The following IL2RA variants were observed in gnomAD, a reference collection of about 807,000 sequenced individuals.
The protein encoded by IL2RA is interleukin-2 receptor subunit alpha.
IL2RA carries 24 observed loss-of-function variants against 37.8 expected under a neutral mutation model. The observed-to-expected ratio is 0.63, with a 90% CI of 0.46 to 0.89. The LOEUF (loss-of-function observed/expected upper bound fraction) is 0.89. IL2RA is among the 40% of genes least tolerant of loss of function. The pLI is 0.00. For synonymous variants in IL2RA, 125 were observed against 114.6 expected (o/e 1.09, Z -0.58); for missense variants, 319 against 348.6 (o/e 0.92, Z 0.68).
chr10:6,019,658 C>G (rs943361551), intron 5 of IL2RA, among the ~76,000 whole-genome samples, 159 bp from the exon 6 acceptor site: 1 of 152,172 alleles, frequency 6.6e-6, no homozygotes, highest in African/African-American at 2.4e-5. Context: ...GCCTGGGGAC[C>G]GTGCTTGGTC....
intron 7 of IL2RA, among the ~76,000 whole-genome samples, chr10:6,013,354 T>C (rs993495131): frequency 1.3e-5 from 2 of 152,256 alleles, no homozygotes; most frequent in African/African-American, 4.8e-5. Flanking sequence ...ACTGAATTTT[T>C]AATTGTATTT....
rs370365362 is a variant in IL2RA, at chr10:6,019,219, C to A, written c.727+209G>T. On this transcript the variant is annotated intron_variant, in intron 6 of 7. Coordinates refer to ENST00000379959, the MANE Select transcript of IL2RA (RefSeq NM_000417.3). ...ACTAACCTACCAACATACAAACCAA[C>A]CTGCCAACCAAGCAACCAACCAACT... Among the ~76,000 whole-genome samples, 26 of 152,296 alleles carry A rather than the reference C, an allele frequency of 1.7e-4. 2 individuals carry two copies. In the East Asian group the frequency reaches 4.1e-3, roughly 24 times the overall value.
rs918620928 is a variant in IL2RA at position 6,028,371 on chromosome 10, G to A, written c.65-2346C>T. On this transcript the variant is annotated intron_variant, in intron 1 of 7. Coordinates refer to ENST00000379959, the MANE Select transcript of IL2RA (RefSeq NM_000417.3). The surrounding 1 kb of genome is among the most constrained non-coding windows in gnomAD (Gnocchi z 4.1). ...TGAGGGCTGAGAGAAGAAGAGTTATGCTAAGTTTTATTTATAAAAACAGGT... is the reference window on the plus strand; with the variant it reads ...TGAGGGCTGAGAGAAGAAGAGTTATACTAAGTTTTATTTATAAAAACAGGT... Among the ~76,000 whole-genome samples, 2 of 152,176 alleles carry A rather than the reference G, an allele frequency of 1.3e-5. No individual in the cohort carries two copies. Among genetic ancestry groups the A allele is most frequent in the Non-Finnish European group, 2.9e-5 (2 of 68,034 alleles).
rs1423657778 is a variant in IL2RA, at chr10:6,044,356, C to T, written c.64+17732G>A. Among the ~76,000 whole-genome samples the T allele has an allele frequency of 6.6e-6, 1 of 152,232 alleles. No homozygotes were observed. Among genetic ancestry groups the T allele is most frequent in the African/African-American group, 2.4e-5 (1 of 41,460 alleles). Reference sequence around the variant, plus strand: ...GACTGCTTCTGTAGAGCAGGGCGACCACATAGGCAGAGAGTAGTAGGTCAG... The same window carrying T: ...GACTGCTTCTGTAGAGCAGGGCGACTACATAGGCAGAGAGTAGTAGGTCAG... On this transcript the variant is annotated intron_variant, in intron 1 of 7. Coordinates refer to ENST00000379959, the MANE Select transcript of IL2RA (RefSeq NM_000417.3). This position sits in a 1 kb window ranked among gnomAD's most constrained non-coding sequence, Gnocchi z 4.5.
chr10:6,051,840 T>TATATATATATATATATATAG (rs1554831689), intron 1 of IL2RA, among the ~76,000 whole-genome samples: 3 of 124,488 alleles, frequency 2.4e-5, no homozygotes, highest in Middle Eastern at 3.8e-3. Flanking sequence ...TATATATATA[T>TATATATATATATATATATAG]ATAGAATTTT....
At chr10:6,049,788 C>G (rs908327627) in intron 1 of IL2RA, among the ~76,000 whole-genome samples, 1 of 152,236 alleles carries the variant, frequency 6.6e-6, no homozygotes, top group African/African-American at 2.4e-5. Flanking sequence ...CAAGTTCAAG[C>G]TAGGATTTGA....
Position 6,035,185 on chromosome 10 carries a change from G to A in IL2RA, c.65-9160C>T, listed in dbSNP as rs891103567. ...GCACCTACTCCCACCAGGCAACTGA[G>A]TGGTATTTAGTCTGCAAGACTAGCC... On this transcript the variant is annotated intron_variant, in intron 1 of 7. Coordinates refer to ENST00000379959, the MANE Select transcript of IL2RA (RefSeq NM_000417.3). This position sits in a 1 kb window ranked among gnomAD's most constrained non-coding sequence, Gnocchi z 5.4. 6.6e-6 allele frequency among the ~76,000 whole-genome samples: 1 copy of A among 152,210 alleles called. No homozygotes were observed. Among genetic ancestry groups the A allele is most frequent in the African/African-American group, 2.4e-5 (1 of 41,460 alleles).
At chr10:6,030,338 A>G (rs1294412574) in intron 1 of IL2RA, among the ~76,000 whole-genome samples, 1 of 152,244 alleles carries the variant, frequency 6.6e-6, no homozygotes, top group African/African-American at 2.4e-5. Flanking sequence ...GCCCATCTAT[A>G]TACATCGTAG....
intron 1 of IL2RA, among the ~76,000 whole-genome samples, chr10:6,038,727 C>T (rs184785434): frequency 2.0e-5 from 3 of 152,202 alleles, no homozygotes; most frequent in South Asian, 2.1e-4. Flanking sequence ...TTTGTGGAGG[C>T]AATTTGTTCT....
rs78184073 is a variant in IL2RA, at chr10:6,054,663, T to C, written c.64+7425A>G. ...GTCCATGTACACGACTCCAGCAGCA[T>C]CACTAGAAAACACCATTCTCCAGCC... On this transcript the variant is annotated intron_variant, in intron 1 of 7. Transcript: ENST00000379959. The surrounding 1 kb of genome is among the most constrained non-coding windows in gnomAD (Gnocchi z 4.5). Among the ~76,000 whole-genome samples, 497 of 152,204 alleles carry C rather than the reference T, an allele frequency of 3.3e-3. 1 individual carries two copies. The highest frequency in any genetic ancestry group is 5.0e-3 in the Non-Finnish European group (338 of 67,994).
rs1840079275 is a variant in IL2RA at position 6,058,368 on chromosome 10, G to A, written c.64+3720C>T. 6.6e-6 allele frequency among the ~76,000 whole-genome samples: 1 copy of A among 152,170 alleles called. No homozygotes were observed. Among genetic ancestry groups the A allele is most frequent in the Non-Finnish European group, 1.5e-5 (1 of 68,032 alleles). ...TTCTCACATCTAAAATGAAGTATAT[G>A]CACAGGTGATTTATCAAACTGCCTA... On this transcript the variant is annotated intron_variant, in intron 1 of 7. Transcript: ENST00000379959. This position sits in a 1 kb window ranked among gnomAD's most constrained non-coding sequence, Gnocchi z 4.2.
At position 6,035,260 on chromosome 10, in the gene IL2RA, G is replaced by A. The variant is rs961635744; in HGVS notation, c.65-9235C>T. ...AGAGCCAGGGGTTCCTTGGGCCCCC[G>A]CTAGGGGACTTTCTGTTTGCCCTGG... On this transcript the variant is annotated intron_variant, in intron 1 of 7. Coordinates refer to ENST00000379959, the MANE Select transcript of IL2RA (RefSeq NM_000417.3). The surrounding 1 kb of genome is among the most constrained non-coding windows in gnomAD (Gnocchi z 5.4). Among the ~76,000 whole-genome samples the A allele has an allele frequency of 3.3e-5, 5 of 152,206 alleles. No homozygotes were observed. Among genetic ancestry groups the A allele is most frequent in the African/African-American group, 7.2e-5 (3 of 41,460 alleles).
At chr10:6,043,520 C>T (rs1028211158) in intron 1 of IL2RA, among the ~76,000 whole-genome samples, 1 of 152,098 alleles carries the variant, frequency 6.6e-6, no homozygotes, top group Non-Finnish European at 1.5e-5. Context: ...CTCACTGCAA[C>T]CTCTGCCTCC....
chr10:6,033,430 G>A lies in IL2RA; in HGVS notation c.65-7405C>T, dbSNP rs12259475. 3.4e-3 allele frequency among the ~76,000 whole-genome samples: 519 copies of A among 152,270 alleles called. 2 individuals carry two copies. Among genetic ancestry groups the A allele is most frequent in the African/African-American group, 0.01 (436 of 41,562 alleles). On this transcript the variant is annotated intron_variant, in intron 1 of 7. Coordinates refer to ENST00000379959, the MANE Select transcript of IL2RA (RefSeq NM_000417.3). The surrounding 1 kb of genome is among the most constrained non-coding windows in gnomAD (Gnocchi z 4.3). ...ATTTATCTAAGAGGAATGAAGGGAT[G>A]TGTCTACAGAAAGACTTTTATAAAA...
chr10:6,019,378 A>G, intron 6 of IL2RA, 50 bp downstream of exon 6: 1 of 1,379,644 alleles, frequency 7.2e-7, no homozygotes, highest in Non-Finnish European at 1.0e-6. Flanking sequence ...CAACCTGTCC[A>G]TATCTCAGCC....
At chr10:6,023,898 T>C (rs942167997) in intron 3 of IL2RA, among the ~76,000 whole-genome samples, 5 of 152,250 alleles carry the variant, frequency 3.3e-5, no homozygotes, top group Admixed American at 3.3e-4. Flanking sequence ...GGGATCGTTG[T>C]CACACTCTTG....
chr10:6,015,769 G>T lies in IL2RA; in HGVS notation c.794+2284C>A, dbSNP rs2386841. Among the ~76,000 whole-genome samples, 30,767 of 152,022 alleles carry T rather than the reference G, an allele frequency of 0.2. 3,748 individuals carry two copies. Among genetic ancestry groups the T allele is most frequent in the East Asian group, 0.46 (2,379 of 5,174 alleles). On this transcript the variant is annotated intron_variant, in intron 7 of 7. Transcript: ENST00000379959. This position sits in a 1 kb window ranked among gnomAD's most constrained non-coding sequence, Gnocchi z 4.9. The stretch of plus-strand genomic sequence containing the variant: ...AGTTCAAGTTTGAAAACCAATGGCC[G>T]GGTGTAGGGTTGTCAAACCTGGATG...
Position 6,011,411 on chromosome 10 carries a change from A to G in IL2RA, c.*1461T>C, listed in dbSNP as rs12244380. The stretch of plus-strand genomic sequence containing the variant: ...CTGGGAATTGTTAGACACACAAAAC[A>G]TTTGGCTCTATTCCAGACCAACAAC... On this transcript the variant is annotated 3_prime_UTR_variant, in exon 8 of 8. Transcript: ENST00000379959. This position sits in a 1 kb window ranked among gnomAD's most constrained non-coding sequence, Gnocchi z 5.2. The G allele has an allele frequency of 0.41, 62,043 of 152,174 alleles. 13,195 individuals are homozygous for G. Among genetic ancestry groups the G allele is most frequent in the Middle Eastern group, 0.52 (153 of 294 alleles). 9.4% of individuals were successfully genotyped at this position (152,174 alleles called of 1,614,324 possible). A position where few individuals can be genotyped will look rare whatever the true frequency, so the allele number is the denominator to read the frequency against.
rs1379455190 is a variant in IL2RA at position 6,046,026 on chromosome 10, G to A, written c.64+16062C>T. ...AAATCCTAATTGTCAGGCTGACCAAGCCCACGTGTCCAGAACCCTCTCCAG... is the reference window on the plus strand; with the variant it reads ...AAATCCTAATTGTCAGGCTGACCAAACCCACGTGTCCAGAACCCTCTCCAG... On this transcript the variant is annotated intron_variant, in intron 1 of 7. Transcript: ENST00000379959. The surrounding 1 kb of genome is among the most constrained non-coding windows in gnomAD (Gnocchi z 4.8). Among the ~76,000 whole-genome samples the A allele has an allele frequency of 1.3e-5, 2 of 152,202 alleles. No individual in the cohort carries two copies. Among genetic ancestry groups the A allele is most frequent in the East Asian group, 3.9e-4 (2 of 5,192 alleles).
Sources: gnomAD v4.1 joint callset for allele counts (sites outside exome capture counted in the v4.1 genomes callset) on GRCh38, gnomAD v4.1.1 for gene constraint, Gnocchi (gnomAD v3.1) non-coding constraint, MANE v1.5 for transcripts, NCBI Gene and HGNC (gene_info 2026-07-23, HGNC 2026-07-21) for gene names.